Variants in RGS5 observed in about 807,000 individuals in gnomAD.
RGS5 encodes the protein regulator of G-protein signalling 5.
A neutral mutation model predicts 18.9 loss-of-function variants in RGS5; 20 were observed. That is an observed-to-expected ratio of 1.06 (90% CI 0.74 to 1.54). RGS5 has a LOEUF of 1.54. Ranked by LOEUF, RGS5 falls within the 40% of genes most tolerant of loss-of-function variation. RGS5 has a pLI of 0.00. For synonymous variants in RGS5, 57 were observed against 76.2 expected (o/e 0.75, Z 1.31); for missense variants, 201 against 211.8 (o/e 0.95, Z 0.32).
At chr1:163,290,544 G>A (rs1402844606) in intron 2 of RGS5, among the ~76,000 whole-genome samples, 1 of 151,282 alleles carries the variant, frequency 6.6e-6, no homozygotes, top group Non-Finnish European at 1.5e-5. Context: ...TGCCAGCAGG[G>A]GTTTATTTAT....
chr1:163,192,148 C>T (rs920329126), intron 1 of RGS5, among the ~76,000 whole-genome samples: 3 of 152,142 alleles, frequency 2.0e-5, no homozygotes, highest in African/African-American at 4.8e-5. Flanking sequence ...AATGTTTTCC[C>T]GTGTCTTATG....
At chr1:163,292,445 G>C (rs763175525) in intron 2 of RGS5, among the ~76,000 whole-genome samples, 8 of 152,114 alleles carry the variant, frequency 5.3e-5, no homozygotes, top group Non-Finnish European at 1.2e-4. Flanking sequence ...TTGATTCCAT[G>C]TTTTTGCTAT....
intron 1 of RGS5, among the ~76,000 whole-genome samples, chr1:163,192,972 C>T (rs931575646): frequency 1.3e-5 from 2 of 152,192 alleles, no homozygotes; most frequent in Non-Finnish European, 1.5e-5. Context: ...ATCCCATAGA[C>T]AAGTGCCTCA....
chr1:163,311,797 T>C (rs941623634), intron 1 of RGS5, among the ~76,000 whole-genome samples: 3 of 152,158 alleles, frequency 2.0e-5, no homozygotes, highest in Non-Finnish European at 2.9e-5. Context: ...AAGTTTAAAA[T>C]ATTGAGAGAA....
intron 1 of RGS5, among the ~76,000 whole-genome samples, chr1:163,310,499 C>T (rs774987362): frequency 4.8e-5 from 7 of 146,132 alleles, no homozygotes; most frequent in Non-Finnish European, 7.4e-5. Context: ...GGCATGAACC[C>T]GGGAGGTGGA....
intron 1 of RGS5, chr1:163,319,322 A>G (rs367816468): frequency 3.9e-5 from 6 of 152,352 alleles, no homozygotes; most frequent in African/African-American, 1.4e-4. Flanking sequence ...TAAAATTAGA[A>G]AGGCAATAGA....
chr1:163,276,284 G>A (rs528561766), intron 2 of RGS5, among the ~76,000 whole-genome samples: 109 of 152,058 alleles, frequency 7.2e-4, no homozygotes, highest in African/African-American at 2.6e-3. Context: ...ATGAGCCACC[G>A]CACCCAGCTA....
At chr1:163,312,679 T>A (rs531693330) in intron 1 of RGS5, among the ~76,000 whole-genome samples, 1 of 152,294 alleles carries the variant, frequency 6.6e-6, no homozygotes, top group African/African-American at 2.4e-5. Context: ...ATTGTGATGA[T>A]GTGAAAAATG....
intron 2 of RGS5, among the ~76,000 whole-genome samples, chr1:163,228,219 C>T (rs1279567998): frequency 6.6e-6 from 1 of 152,248 alleles, no homozygotes. Flanking sequence ...CAGAGGTTCT[C>T]CATGATGGCT....
At chr1:163,261,228 T>C (rs997475797) in intron 2 of RGS5, among the ~76,000 whole-genome samples, 1 of 152,196 alleles carries the variant, frequency 6.6e-6, no homozygotes, top group Non-Finnish European at 1.5e-5. Flanking sequence ...GGATGCTGTC[T>C]GGACCTCATG....
chr1:163,289,409 C>T (rs1242007954), intron 2 of RGS5, among the ~76,000 whole-genome samples: 3 of 151,912 alleles, frequency 2.0e-5, no homozygotes, highest in Admixed American at 6.6e-5. Context: ...TACTATAATA[C>T]CATACTAAGT....
At chr1:163,248,361 C>G (rs773922789) in intron 2 of RGS5, 1 of 152,254 alleles carries the variant, frequency 6.6e-6, no homozygotes, top group South Asian at 2.1e-4. Flanking sequence ...CATGGAGGCC[C>G]AGAAGGAGTT....
At chr1:163,191,047 G>C (rs1659330854) in intron 1 of RGS5, among the ~76,000 whole-genome samples, 1 of 152,188 alleles carries the variant, frequency 6.6e-6, no homozygotes, top group African/African-American at 2.4e-5. Context: ...TCCATGAAAT[G>C]AGTGGACATG....
At chr1:163,240,430 A>G (rs1054404399) in intron 2 of RGS5, among the ~76,000 whole-genome samples, 14 of 136,846 alleles carry the variant, frequency 1.0e-4, no homozygotes, top group Admixed American at 2.2e-4. Flanking sequence ...CATGGTGGGG[A>G]AAAAAAAAAA....
At chr1:163,232,412 C>T (rs1647505617) in intron 2 of RGS5, among the ~76,000 whole-genome samples, 1 of 152,038 alleles carries the variant, frequency 6.6e-6, no homozygotes, top group African/African-American at 2.4e-5. Context: ...TAAGTATAAA[C>T]TTTTTGTAGG....
At chr1:163,200,339 T>C (rs1347087505) in intron 1 of RGS5, among the ~76,000 whole-genome samples, 2 of 152,180 alleles carry the variant, frequency 1.3e-5, no homozygotes, top group Non-Finnish European at 2.9e-5. Flanking sequence ...TTAAAGCAGA[T>C]TTTTCATAAT....
intron 1 of RGS5, among the ~76,000 whole-genome samples, chr1:163,311,733 T>C (rs1483437752): frequency 1.3e-5 from 2 of 152,180 alleles, no homozygotes; most frequent in African/African-American, 2.4e-5. Context: ...ACAATTATAA[T>C]AGTAACATCA....
chr1:163,163,603 T>C (rs546077791), intron 2 of RGS5, among the ~76,000 whole-genome samples: 12 of 152,314 alleles, frequency 7.9e-5, no homozygotes, highest in African/African-American at 2.4e-4. Context: ...CTTGGCTCTT[T>C]TATATTACTG....
upstream of RGS5, among the ~76,000 whole-genome samples, chr1:163,206,388 T>G: frequency 6.6e-6 from 1 of 152,044 alleles, no homozygotes; most frequent in East Asian, 1.9e-4. Context: ...ATTTTTTTAA[T>G]GAAAAAAAGA....
Sources: allele counts gnomAD v4.1 joint callset (sites outside exome capture counted in the v4.1 genomes callset), GRCh38; gene constraint gnomAD v4.1.1; transcripts MANE v1.5; gene names NCBI Gene and HGNC (gene_info 2026-07-23, HGNC 2026-07-21).